The following CDH18 variants were observed in gnomAD, a reference collection of about 807,000 sequenced individuals.
The protein encoded by CDH18 is cadherin 18.
A neutral mutation model predicts 67.9 loss-of-function variants in CDH18; 31 were observed. That is an observed-to-expected ratio of 0.46 (90% confidence interval 0.34 to 0.62). The LOEUF is 0.62. CDH18 is among the 20% of genes least tolerant of loss of function. The pLI is 0.01. For synonymous variants in CDH18, 362 were observed against 347.2 expected (o/e 1.04, Z -0.48); for missense variants, 890 against 975.5 (o/e 0.91, Z 1.17).
At chr5:20,148,060 G>A (rs1054377874) in intron 2 of CDH18, among the ~76,000 whole-genome samples, 3 of 150,632 alleles carry the variant, frequency 2.0e-5, no homozygotes, top group African/African-American at 7.3e-5. Context: ...CTTTACCTTT[G>A]TTAAGCATAC....
In CDH18 at chr5:20,493,356, T is replaced by TAAAAAAAAAA. The variant is rs148292031; in HGVS notation, c.-580+82096_-580+82105dup. ...AGGGCAAGACTCTGTTTCAGAAAAT[T>TAAAAAAAAAA]AAAAAAAAAAAAAAAAAAAAAAAAA... is the stretch of plus-strand genomic sequence containing the variant. On this transcript the variant is annotated intron_variant, in intron 1 of 14. Coordinates refer to the CDH18 transcript ENST00000507958. 2.7e-3 allele frequency among the ~76,000 whole-genome samples: 127 copies of TAAAAAAAAAA among 47,204 alleles called. 4 individuals are homozygous for TAAAAAAAAAA. The highest frequency in any genetic ancestry group is 3.4e-3 in the African/African-American group (40 of 11,696). 31.0% of individuals were successfully genotyped at this position (47,204 alleles called of 152,430 possible).
At chr5:20,471,833 TAAAA>T (rs70954659) in intron 1 of CDH18, among the ~76,000 whole-genome samples, 3 of 51,498 alleles carry the variant, frequency 5.8e-5, no homozygotes, top group Admixed American at 2.8e-4. Context: ...AGATTCAGTC[TAAAA>T]AAAAAAAAAA....
At chr5:19,841,857 T>C (rs1247319162) in intron 2 of CDH18, among the ~76,000 whole-genome samples, 1 of 152,302 alleles carries the variant, frequency 6.6e-6, no homozygotes, top group Non-Finnish European at 1.5e-5. Flanking sequence ...TTGATCTACA[T>C]ATGCTTTATA....
intron 3 of CDH18, among the ~76,000 whole-genome samples, chr5:19,774,475 T>C (rs181007289): frequency 1.2e-4 from 15 of 123,250 alleles, no homozygotes; most frequent in African/African-American, 4.1e-4. Flanking sequence ...TAAGGGGAAA[T>C]ACTGATATTA....
At chr5:19,609,335 G>C (rs1187587308) in intron 6 of CDH18, among the ~76,000 whole-genome samples, 1 of 151,828 alleles carries the variant, frequency 6.6e-6, no homozygotes, top group Non-Finnish European at 1.5e-5. Flanking sequence ...ATGTAGCCCA[G>C]AGGTAGGCAT....
chr5:20,279,699 C>CAAAAAAAAAAAAAAAAA lies in CDH18; in HGVS notation c.-579-24211_-579-24195dup, dbSNP rs1189257278. Among the ~76,000 whole-genome samples, 37 of 13,600 alleles carry CAAAAAAAAAAAAAAAAA rather than the reference C, an allele frequency of 2.7e-3. 7 individuals are homozygous for CAAAAAAAAAAAAAAAAA. Among genetic ancestry groups the CAAAAAAAAAAAAAAAAA allele is most frequent in the Non-Finnish European group, 3.7e-3 (29 of 7,820 alleles). 8.9% of individuals were successfully genotyped at this position (13,600 alleles called of 152,430 possible). A position where few individuals can be genotyped will look rare whatever the true frequency, so the allele number is the denominator to read the frequency against. Reference sequence around the variant, plus strand: ...GGGTGACAAAAGAGAAGCTCTGTCTCAAAAAAAAAAAAAAAAAAAAAAAAA... The same window carrying CAAAAAAAAAAAAAAAAA: ...GGGTGACAAAAGAGAAGCTCTGTCTCAAAAAAAAAAAAAAAAAAAAAAAAAAAAAAAAAAAAAAAAAA... On this transcript the variant is annotated intron_variant, in intron 1 of 14. Transcript: ENST00000507958.
chr5:20,507,864 G>A (rs1238604808), intron 1 of CDH18, among the ~76,000 whole-genome samples: 1 of 151,956 alleles, frequency 6.6e-6, no homozygotes, highest in Non-Finnish European at 1.5e-5. Flanking sequence ...AAACTTTTTA[G>A]GCAACCTAAG....
chr5:19,590,744 A>G (rs1020710532), intron 7 of CDH18, among the ~76,000 whole-genome samples: 1 of 152,106 alleles, frequency 6.6e-6, no homozygotes, highest in Non-Finnish European at 1.5e-5. Context: ...CACTGAAATT[A>G]CTTTTATTTA....
chr5:19,914,085 GCAT>G, intron 2 of CDH18, among the ~76,000 whole-genome samples: 1 of 152,142 alleles, frequency 6.6e-6, no homozygotes, highest in East Asian at 1.9e-4. Flanking sequence ...AATAGCTTAG[GCAT>G]CTATTTTGTT....
chr5:19,951,900 A>G (rs1795826815), intron 2 of CDH18, among the ~76,000 whole-genome samples: 1 of 152,178 alleles, frequency 6.6e-6, no homozygotes, highest in East Asian at 1.9e-4. Context: ...TTCTAAATAC[A>G]AAATTAGCAA....
chr5:20,302,443 G>A (rs770840422), intron 1 of CDH18, among the ~76,000 whole-genome samples: 40 of 152,112 alleles, frequency 2.6e-4, no homozygotes, highest in Admixed American at 2.6e-4. Context: ...GCCTACTATC[G>A]CTATGTCTGA....
At chr5:19,532,273 T>C (rs896418673) in intron 9 of CDH18, among the ~76,000 whole-genome samples, 2 of 152,234 alleles carry the variant, frequency 1.3e-5, no homozygotes, top group Non-Finnish European at 2.9e-5. Flanking sequence ...GTATTGCTTC[T>C]ATTGAAATAC....
At chr5:20,543,125 G>C (rs1253211544) in intron 1 of CDH18, among the ~76,000 whole-genome samples, 1 of 151,812 alleles carries the variant, frequency 6.6e-6, no homozygotes, top group Non-Finnish European at 1.5e-5. Context: ...AAAAAATATG[G>C]TACAATTTAT....
intron 3 of CDH18, among the ~76,000 whole-genome samples, chr5:19,830,333 A>C (rs1780877086): frequency 6.6e-6 from 1 of 152,164 alleles, no homozygotes; most frequent in Admixed American, 6.6e-5. Flanking sequence ...AAAATTAAAC[A>C]AATTAGAAAG....
intron 2 of CDH18, among the ~76,000 whole-genome samples, chr5:20,101,939 G>C (rs1746505842): frequency 1.3e-5 from 2 of 152,046 alleles, no homozygotes; most frequent in African/African-American, 4.8e-5. Flanking sequence ...AGGTGTGGCG[G>C]CACAGCCTGT....
intron 1 of CDH18, among the ~76,000 whole-genome samples, chr5:20,358,315 A>G (rs1741799443): frequency 6.6e-6 from 1 of 152,196 alleles, no homozygotes; most frequent in South Asian, 2.1e-4. Flanking sequence ...ACAAAGTTGA[A>G]CAAGAAAACA....
rs543399105 is a variant in CDH18 at position 20,452,284 on chromosome 5, A to G, written c.-580+123178T>C. ...ACAAATTGTACTATGTGTTTTTTGT[A>G]TTATCTTGGAATACTCACTTCTTCC... On this transcript the variant is annotated intron_variant, in intron 1 of 14. Coordinates refer to the CDH18 transcript ENST00000507958. Among the ~76,000 whole-genome samples, 5 of 152,240 alleles carry G rather than the reference A, an allele frequency of 3.3e-5. No homozygotes were observed. The South Asian group carries it at 8.3e-4, about 25-fold the overall frequency.
intron 2 of CDH18, among the ~76,000 whole-genome samples, chr5:20,186,584 T>C (rs1738118431): frequency 6.6e-6 from 1 of 151,848 alleles, no homozygotes. Flanking sequence ...ATTAGGGAAA[T>C]AATAACCATG....
intron 6 of CDH18, among the ~76,000 whole-genome samples, chr5:19,606,373 G>T (rs1202256243): frequency 6.6e-6 from 1 of 151,986 alleles, no homozygotes; most frequent in Non-Finnish European, 1.5e-5. Context: ...TATGATATTA[G>T]AATTCTACAA....
Sources: allele counts gnomAD v4.1 joint callset (sites outside exome capture counted in the v4.1 genomes callset), GRCh38; gene constraint gnomAD v4.1.1; transcripts MANE v1.5; gene names NCBI Gene and HGNC (gene_info 2026-07-23, HGNC 2026-07-21).